The following ROBO2 variants were observed in gnomAD, a reference collection of about 807,000 sequenced individuals.
ROBO2 encodes the protein roundabout guidance receptor 2, also known as roundabout homolog 2.
A neutral mutation model predicts 160.8 loss-of-function variants in ROBO2; 53 were observed. The ratio of observed to expected loss-of-function variants is 0.33; its 90% CI spans 0.26 to 0.41. The LOEUF is 0.41. Among genes scored for constraint, ROBO2 ranks in the 10% least tolerant of loss-of-function variants. ROBO2 has a pLI of 1.00. For synonymous variants in ROBO2, 664 were observed against 611.7 expected (o/e 1.09, Z -1.26); for missense variants, 1,577 against 1,722.4 (o/e 0.92, Z 1.49).
At chr3:76,658,274 AC>A (rs1286612463) in intron 2 of ROBO2, among the ~76,000 whole-genome samples, 2 of 151,880 alleles carry the variant, frequency 1.3e-5, no homozygotes, top group African/African-American at 4.8e-5. Context: ...GTACATATTA[AC>A]AGGTTACATT....
chr3:77,540,170 G>T (rs2092390770), intron 6 of ROBO2, among the ~76,000 whole-genome samples: 1 of 152,158 alleles, frequency 6.6e-6, no homozygotes, highest in South Asian at 2.1e-4. Context: ...CTTAAGAAAG[G>T]TTATACTTAC....
At chr3:77,127,332 C>T (rs1184993330) in intron 2 of ROBO2, among the ~76,000 whole-genome samples, 1 of 152,118 alleles carries the variant, frequency 6.6e-6, no homozygotes, top group East Asian at 1.9e-4. Context: ...TTGCCTCTCT[C>T]CTGTCTCAGC....
At chr3:77,215,080 G>C (rs1232936534) in intron 2 of ROBO2, among the ~76,000 whole-genome samples, 1 of 152,142 alleles carries the variant, frequency 6.6e-6, no homozygotes, top group Admixed American at 6.5e-5. Context: ...TTCTCAAGGA[G>C]TATCTTTGTG....
intron 2 of ROBO2, among the ~76,000 whole-genome samples, chr3:76,520,757 T>G (rs1283511210): frequency 6.6e-6 from 1 of 152,140 alleles, no homozygotes; most frequent in East Asian, 1.9e-4. Flanking sequence ...TATAGGATGC[T>G]AGTAGTCCAC....
At chr3:76,085,778 C>T (rs2068992682) in intron 2 of ROBO2, among the ~76,000 whole-genome samples, 1 of 152,184 alleles carries the variant, frequency 6.6e-6, no homozygotes, top group Admixed American at 6.5e-5. Flanking sequence ...TGCTGGAGAC[C>T]CACTGTGGAC....
intron 2 of ROBO2, among the ~76,000 whole-genome samples, chr3:76,114,298 G>A (rs1007115723): frequency 2.6e-4 from 40 of 152,054 alleles, no homozygotes; most frequent in Admixed American, 2.4e-3. Flanking sequence ...TTAAGTGTTC[G>A]GTGGCTTTTC....
chr3:76,327,349 G>A (rs2107972782), intron 2 of ROBO2, among the ~76,000 whole-genome samples: 1 of 152,084 alleles, frequency 6.6e-6, no homozygotes, highest in African/African-American at 2.4e-5. Context: ...TGGCTTATAT[G>A]TTATGAATTT....
At chr3:76,525,843 C>T (rs915104445) in intron 2 of ROBO2, among the ~76,000 whole-genome samples, 2 of 151,856 alleles carry the variant, frequency 1.3e-5, no homozygotes, top group Admixed American at 1.3e-4. Flanking sequence ...AGGGCAATTG[C>T]TATTTATTAT....
chr3:75,908,802 C>A (rs1304218403), intron 1 of ROBO2, among the ~76,000 whole-genome samples: 1 of 152,134 alleles, frequency 6.6e-6, no homozygotes. Flanking sequence ...AAAAACTGAC[C>A]TGTGTCCTTC....
chr3:76,741,059 C>G (rs868129756), intron 2 of ROBO2, among the ~76,000 whole-genome samples: 1 of 152,000 alleles, frequency 6.6e-6, no homozygotes, highest in Non-Finnish European at 1.5e-5. Flanking sequence ...ATAATCTTTT[C>G]TAGCTGGTTC....
intron 2 of ROBO2, among the ~76,000 whole-genome samples, chr3:76,664,765 T>A (rs1839050): frequency 0.84 from 127,449 of 152,134 alleles, 53,771 homozygotes; most frequent in African/African-American, 0.93. Flanking sequence ...AAACTCAATA[T>A]ATATTTAGGT....
At chr3:76,408,248 A>G (rs1458022483) in intron 2 of ROBO2, among the ~76,000 whole-genome samples, 2 of 152,052 alleles carry the variant, frequency 1.3e-5, no homozygotes, top group African/African-American at 4.8e-5. Flanking sequence ...TAATAGTTGG[A>G]AGGGATTGAG....
chr3:76,467,243 C>T (rs2078411282), intron 2 of ROBO2, among the ~76,000 whole-genome samples: 1 of 151,838 alleles, frequency 6.6e-6, no homozygotes, highest in Admixed American at 6.6e-5. Context: ...ATAATGCAGC[C>T]ATTTTTTATT....
At chr3:76,765,729 G>A (rs1305715185) in intron 2 of ROBO2, among the ~76,000 whole-genome samples, 2 of 151,654 alleles carry the variant, frequency 1.3e-5, no homozygotes, top group African/African-American at 2.4e-5. Context: ...GTCCAGTTCA[G>A]CTAACATTTC....
At chr3:76,417,685 A>G (rs1227336032) in intron 2 of ROBO2, among the ~76,000 whole-genome samples, 2 of 152,170 alleles carry the variant, frequency 1.3e-5, no homozygotes, top group East Asian at 1.9e-4. Context: ...AGGCAATAGA[A>G]TTTCCAAATA....
intron 2 of ROBO2, among the ~76,000 whole-genome samples, chr3:77,274,928 A>G (rs2059733561): frequency 6.6e-6 from 1 of 152,110 alleles, no homozygotes; most frequent in Admixed American, 6.5e-5. Context: ...CTATTTATTC[A>G]TCACAATTTT....
At chr3:76,243,736 A>T (rs1054734775) in intron 2 of ROBO2, among the ~76,000 whole-genome samples, 4 of 152,200 alleles carry the variant, frequency 2.6e-5, no homozygotes. Context: ...ATAATCTTAT[A>T]TCTGCCCTCA....
chr3:75,910,024 G>A (rs1031481138), intron 1 of ROBO2, among the ~76,000 whole-genome samples: 8 of 152,180 alleles, frequency 5.3e-5, no homozygotes, highest in African/African-American at 1.9e-4. Flanking sequence ...GGAGAACTGA[G>A]ACCACATGAA....
intron 2 of ROBO2, among the ~76,000 whole-genome samples, chr3:77,383,650 A>G (rs1284488963): frequency 1.3e-5 from 2 of 152,128 alleles, no homozygotes; most frequent in Non-Finnish European, 2.9e-5. Flanking sequence ...CTAAAGGTAG[A>G]TATATTGATT....
Sources: allele counts gnomAD v4.1 joint callset (sites outside exome capture counted in the v4.1 genomes callset), GRCh38; gene constraint gnomAD v4.1.1; transcripts MANE v1.5; gene names NCBI Gene and HGNC (gene_info 2026-07-23, HGNC 2026-07-21).